The following SLC9A2 variants were observed in gnomAD, a reference collection of about 807,000 sequenced individuals.
SLC9A2 encodes the protein sodium/hydrogen exchanger 2.
Under a neutral mutation model 71.7 loss-of-function variants are expected in SLC9A2, and 42 were observed. The observed-to-expected ratio is 0.59, with a 90% CI of 0.46 to 0.76. The LOEUF (loss-of-function observed/expected upper bound fraction) is 0.76. SLC9A2 is among the 30% of genes least tolerant of loss of function. The probability of loss-of-function intolerance (pLI) is 0.00; values close to 1 mark genes in which losing one functional copy is unlikely to be tolerated. For missense variants in SLC9A2, 829 were observed against 1,017.4 expected (o/e 0.81, Z 2.52); for synonymous variants, 396 against 392.5 (o/e 1.01, Z -0.10).
At chr2:102,688,456 G>A (rs1677593867) in intron 5 of SLC9A2, among the ~76,000 whole-genome samples, 1 of 152,190 alleles carries the variant, frequency 6.6e-6, no homozygotes, top group African/African-American at 2.4e-5. Flanking sequence ...GAGGCCATGT[G>A]CAGTGGCTCA....
chr2:102,669,928 G>C (rs1197053448), intron 3 of SLC9A2, among the ~76,000 whole-genome samples: 3 of 152,256 alleles, frequency 2.0e-5, no homozygotes, highest in African/African-American at 7.2e-5. Flanking sequence ...TGACCTGAAG[G>C]GGGAAGGGCG....
chr2:102,659,188 G>T (rs1483010921), intron 2 of SLC9A2, among the ~76,000 whole-genome samples: 2 of 151,936 alleles, frequency 1.3e-5, no homozygotes, highest in Non-Finnish European at 2.9e-5. Flanking sequence ...ATGCCTTTGG[G>T]AGGCTGAGGC....
At chr2:102,706,969 G>T (rs980913872) in intron 11 of SLC9A2, among the ~76,000 whole-genome samples, 1 of 152,166 alleles carries the variant, frequency 6.6e-6, no homozygotes, top group Non-Finnish European at 1.5e-5. Flanking sequence ...TAAAATGTGG[G>T]ATGTCTAAGG....
At chr2:102,640,162 C>T (rs558254280) in intron 1 of SLC9A2, among the ~76,000 whole-genome samples, 2 of 152,350 alleles carry the variant, frequency 1.3e-5, no homozygotes, top group South Asian at 2.1e-4. Context: ...CGAGCCAGCT[C>T]AGAGGGCAGG....
chr2:102,677,933 G>T (rs1468199464), intron 3 of SLC9A2, among the ~76,000 whole-genome samples: 1 of 152,104 alleles, frequency 6.6e-6, no homozygotes, highest in Non-Finnish European at 1.5e-5. Context: ...TCATTTGGCA[G>T]ATTCCTGAAT....
At chr2:102,628,828 C>T (rs1676303314) in intron 1 of SLC9A2, among the ~76,000 whole-genome samples, 1 of 152,230 alleles carries the variant, frequency 6.6e-6, no homozygotes, top group Admixed American at 6.5e-5. Flanking sequence ...TAACTATAGG[C>T]ATGCACCACC....
chr2:102,642,582 G>A (rs1676604796), intron 1 of SLC9A2, among the ~76,000 whole-genome samples: 1 of 152,004 alleles, frequency 6.6e-6, no homozygotes, highest in Non-Finnish European at 1.5e-5. Context: ...TGACATTTTT[G>A]CATCAATACT....
At chr2:102,630,071 A>G (rs968031811) in intron 1 of SLC9A2, among the ~76,000 whole-genome samples, 2 of 152,116 alleles carry the variant, frequency 1.3e-5, no homozygotes, top group Non-Finnish European at 2.9e-5. Context: ...CGTGTTTCAG[A>G]ATTATAATAT....
At chr2:102,620,214 C>A (rs1676108727) in intron 1 of SLC9A2, 77 bp downstream of exon 1, 2 of 1,334,652 alleles carry the variant, frequency 1.5e-6, no homozygotes, top group Non-Finnish European at 2.1e-6. Context: ...GGTCAGCCAG[C>A]TGACCTCTAG....
chr2:102,706,514 T>C lies in SLC9A2; in HGVS notation c.2068+578T>C, dbSNP rs556213225. Among the ~76,000 whole-genome samples the C allele has an allele frequency of 5.3e-5, 8 of 152,260 alleles. No individual in the cohort carries two copies. The South Asian group carries it at 1.5e-3, about 28-fold the overall frequency. ...GGGTGCAGCACACCAACATGGCACA[T>C]GTATACATATGTAACAAACCTGCAC... On this transcript the variant is annotated intron_variant, in intron 11 of 11. Coordinates refer to ENST00000233969, the MANE Select transcript of SLC9A2 (RefSeq NM_003048.6).
intron 5 of SLC9A2, among the ~76,000 whole-genome samples, chr2:102,688,080 C>G (rs1677585237): frequency 6.6e-6 from 1 of 152,088 alleles, no homozygotes; most frequent in Non-Finnish European, 1.5e-5. Context: ...CCATGCCCGG[C>G]CGTGGAATAT....
chr2:102,646,787 A>ATATATATATATC (rs1459305572), intron 1 of SLC9A2, among the ~76,000 whole-genome samples: 1 of 148,342 alleles, frequency 6.7e-6, no homozygotes, highest in African/African-American at 2.5e-5. Flanking sequence ...ATATATATAT[A>ATATATATATATC]TATCTCCAAT....
Position 102,657,869 on chromosome 2 carries a change from C to T in SLC9A2, c.595C>T (p.Leu199Phe). The T allele has an allele frequency of 6.2e-7, 1 of 1,614,250 alleles. No individual in the cohort carries two copies. The highest frequency in any genetic ancestry group is 1.1e-5 in the South Asian group (1 of 91,080). The stretch of plus-strand genomic sequence containing the variant: ...TATCTGCCAGATCGAAGCATTCGGC[C>T]TCAGCGACATCACTTTGCTCCAGAA... ...FGICQIEAFGLSDITLLQNLL... is the reference protein window; with the variant it reads ...FGICQIEAFGFSDITLLQNLL... The change falls in exon 2 of 12, where the codon CTC becomes TTC. Residue 199 changes from leucine (L) to phenylalanine (F), a missense_variant. Leu to Phe is a conservative substitution (Grantham distance 22). Transcript: ENST00000233969.
intron 1 of SLC9A2, among the ~76,000 whole-genome samples, chr2:102,654,387 C>T (rs184124231): frequency 6.6e-6 from 1 of 152,124 alleles, no homozygotes; most frequent in East Asian, 1.9e-4. Context: ...AGAGCAGCTG[C>T]ACCCATTGAA....
At chr2:102,686,567 T>C (rs1213099768) in intron 5 of SLC9A2, 1 of 152,178 alleles carries the variant, frequency 6.6e-6, no homozygotes, top group Non-Finnish European at 1.5e-5. Flanking sequence ...TTTCGCGCAG[T>C]AATATGGGCC....
At position 102,703,781 on chromosome 2, in the gene SLC9A2, T is replaced by C. The variant is rs144952200; in HGVS notation, c.1846-763T>C. ...ATGATTTAGGAAACACATTTCTATA[T>C]AGCCTATAAAACTAAAAGTGGATTC... On this transcript the variant is annotated intron_variant, in intron 9 of 11. Transcript: ENST00000233969. 1.1e-3 allele frequency among the ~76,000 whole-genome samples: 162 copies of C among 152,354 alleles called. 2 individuals are homozygous for C. The East Asian group carries it at 0.025, about 24-fold the overall frequency.
rs748307076 is a variant in SLC9A2 at position 102,708,527 on chromosome 2, G to C, written c.*38G>C. ...AAGCAGATCTGAGTGTCTGACCCAG[G>C]ACAGCTGTGGTTTGTCACTCTGAAA... On this transcript the variant is annotated 3_prime_UTR_variant, in exon 12 of 12. Coordinates refer to ENST00000233969, the MANE Select transcript of SLC9A2 (RefSeq NM_003048.6). 7 of 1,582,628 alleles carry C rather than the reference G, an allele frequency of 4.4e-6. No homozygotes were observed. Among genetic ancestry groups the C allele is most frequent in the Non-Finnish European group, 6.0e-6 (7 of 1,164,642 alleles).
intron 5 of SLC9A2, among the ~76,000 whole-genome samples, chr2:102,684,975 C>T (rs1378055783): frequency 1.3e-5 from 2 of 152,080 alleles, no homozygotes; most frequent in African/African-American, 2.4e-5. Flanking sequence ...GGGTTGGTAG[C>T]ACTAAACAAG....
chr2:102,652,561 C>T (rs192359222), intron 1 of SLC9A2, among the ~76,000 whole-genome samples: 1 of 152,166 alleles, frequency 6.6e-6, no homozygotes, highest in African/African-American at 2.4e-5. Flanking sequence ...AACCCTCACA[C>T]CCCCACTTCT....
Sources: allele counts gnomAD v4.1 joint callset (sites outside exome capture counted in the v4.1 genomes callset), GRCh38; gene constraint gnomAD v4.1.1; transcripts MANE v1.5; gene names NCBI Gene and HGNC (gene_info 2026-07-23, HGNC 2026-07-21).